STAM2: variants seen among roughly 807,000 people sequenced by gnomAD.
STAM2 encodes signal transducing adapter molecule 2.
A neutral mutation model predicts 65.6 loss-of-function variants in STAM2; 51 were observed. The ratio of observed to expected loss-of-function variants is 0.78; its 90% CI spans 0.62 to 0.98. STAM2 has a LOEUF of 0.98. Ranked by LOEUF, STAM2 falls within the 50% of genes least tolerant of loss-of-function variation. The probability of loss-of-function intolerance (pLI) is 0.00; values close to 1 mark genes in which losing one functional copy is unlikely to be tolerated. For missense variants in STAM2, 584 were observed against 617.8 expected (o/e 0.95, Z 0.58); for synonymous variants, 198 against 208.4 (o/e 0.95, Z 0.43).
chr2:152,163,604 T>C (rs2105564793), intron 1 of STAM2, among the ~76,000 whole-genome samples: 1 of 152,286 alleles, frequency 6.6e-6, no homozygotes, highest in African/African-American at 2.4e-5. Flanking sequence ...TCTGACTGCC[T>C]GCGGGGTAGG....
At chr2:152,131,800 C>T (rs1171132505) in intron 11 of STAM2, 1 of 286,846 alleles carries the variant, frequency 3.5e-6, no homozygotes, top group Non-Finnish European at 6.5e-6. Context: ...GCAGAAAATA[C>T]TAGAGAGTAG....
At chr2:152,165,463 A>G (rs1689759849) in intron 1 of STAM2, among the ~76,000 whole-genome samples, 1 of 152,096 alleles carries the variant, frequency 6.6e-6, no homozygotes, top group Non-Finnish European at 1.5e-5. Context: ...AGCCACTAAC[A>G]TGCCAAAAAG....
chr2:152,137,547 ACTT>A lies in STAM2; in HGVS notation c.705-1947_705-1945del, dbSNP rs889127181. ...GTTGTTTGTCTGAATTATGCAGAGA[ACTT>A]CTTCTAGGCTGTCGCTGTCTTTTCA... is the stretch of plus-strand genomic sequence containing the variant. On this transcript the variant is annotated intron_variant, in intron 7 of 13. Coordinates refer to ENST00000263904, the MANE Select transcript of STAM2 (RefSeq NM_005843.6). 3.9e-5 allele frequency among the ~76,000 whole-genome samples: 6 copies of A among 152,226 alleles called. No individual in the cohort carries two copies. The South Asian group carries it at 6.2e-4, about 16-fold the overall frequency.
intron 4 of STAM2, 42 bp downstream of exon 4, chr2:152,147,982 A>AT: frequency 6.9e-7 from 1 of 1,450,372 alleles, no homozygotes; most frequent in Non-Finnish European, 9.5e-7. Context: ...CACAATCTAC[A>AT]TTTTTTTAAT....
chr2:152,126,994 G>A (rs1688974121), intron 11 of STAM2, among the ~76,000 whole-genome samples: 1 of 152,138 alleles, frequency 6.6e-6, no homozygotes, highest in South Asian at 2.1e-4. Flanking sequence ...GCTGCTTTCT[G>A]CAACCAATCA....
intron 1 of STAM2, among the ~76,000 whole-genome samples, chr2:152,153,723 A>G (rs2105554326): frequency 6.6e-6 from 1 of 152,296 alleles, no homozygotes; most frequent in East Asian, 1.9e-4. Flanking sequence ...GTCAGAGCAG[A>G]CTATACTGTT....
rs1244742729 is a variant in STAM2 at position 152,117,907 on chromosome 2, TAACA to T, written c.*2663_*2666del. 12 of 152,146 alleles carry T rather than the reference TAACA, an allele frequency of 7.9e-5. No homozygotes were observed. The highest frequency in any genetic ancestry group is 1.9e-4 in the East Asian group (1 of 5,206). The allele number at this position is 152,146 out of a possible 1,614,324, so 9.4% of individuals were successfully genotyped here. A position where few individuals can be genotyped will look rare whatever the true frequency, so the allele number is the denominator to read the frequency against. On this transcript the variant is annotated 3_prime_UTR_variant, in exon 14 of 14. Coordinates refer to ENST00000263904, the MANE Select transcript of STAM2 (RefSeq NM_005843.6). ...TTTAACTACAAATAATTTCAAATCC[TAACA>T]AATATAATTACCTAATGTTTAAGTA...
Position 152,120,193 on chromosome 2 carries a change from C to T in STAM2, c.*381G>A, listed in dbSNP as rs946388135. ...GTTTATAAGTATGAGATACTTTTGA[C>T]AAACTCACTCTGTCGATCATGCTAC... On this transcript the variant is annotated 3_prime_UTR_variant, in exon 14 of 14. Transcript: ENST00000263904. The T allele has an allele frequency of 2.1e-5, 3 of 142,098 alleles. No individual in the cohort carries two copies. The highest frequency in any genetic ancestry group is 2.4e-4 in the East Asian group (1 of 4,206). The allele number at this position is 142,098 out of a possible 1,614,324, so 8.8% of individuals were successfully genotyped here.
intron 7 of STAM2, 34 bp downstream of exon 7, chr2:152,143,793 A>C: frequency 6.5e-7 from 1 of 1,541,992 alleles, no homozygotes; most frequent in Non-Finnish European, 8.9e-7. Flanking sequence ...AGGGCATTAC[A>C]CTTTAAACCT....
intron 7 of STAM2, among the ~76,000 whole-genome samples, chr2:152,138,994 T>C (rs1560214541): frequency 6.6e-6 from 1 of 152,314 alleles, no homozygotes; most frequent in South Asian, 2.1e-4. Context: ...AACTCTTTGA[T>C]GAAGCATAAA....
At chr2:152,154,410 G>C (rs1343994051) in intron 1 of STAM2, among the ~76,000 whole-genome samples, 1 of 152,208 alleles carries the variant, frequency 6.6e-6, no homozygotes, top group Non-Finnish European at 1.5e-5. Flanking sequence ...TGAGACAGGA[G>C]TTCAAGACCA....
At chr2:152,127,655 G>A (rs776445628) in intron 11 of STAM2, among the ~76,000 whole-genome samples, 2 of 151,100 alleles carry the variant, frequency 1.3e-5, no homozygotes, top group Admixed American at 6.6e-5. Context: ...AAAACAATGT[G>A]TAAGTAAGAC....
intron 1 of STAM2, among the ~76,000 whole-genome samples, chr2:152,160,546 C>A (rs564531272): frequency 6.6e-6 from 1 of 151,502 alleles, no homozygotes; most frequent in Non-Finnish European, 1.5e-5. Context: ...CCACCGCGTC[C>A]GGGAGGGAGG....
chr2:152,130,541 G>A (rs112533158), intron 11 of STAM2, among the ~76,000 whole-genome samples: 6,487 of 151,712 alleles, frequency 0.043, 187 homozygotes, highest in Non-Finnish European at 0.065. Context: ...TTGAGCCACT[G>A]CGCCTGGCCG....
At chr2:152,138,433 G>A (rs1261491695) in intron 7 of STAM2, among the ~76,000 whole-genome samples, 1 of 151,864 alleles carries the variant, frequency 6.6e-6, no homozygotes, top group Non-Finnish European at 1.5e-5. Context: ...TTTGTATGTT[G>A]AGCTTGTATC....
intron 1 of STAM2, among the ~76,000 whole-genome samples, chr2:152,154,339 T>C (rs1689502171): frequency 6.6e-6 from 1 of 152,124 alleles, no homozygotes; most frequent in South Asian, 2.1e-4. Context: ...AAGGGCAAAC[T>C]AGGTGAGGTG....
chr2:152,131,580 T>C (rs1560211849), intron 11 of STAM2: 1 of 154,882 alleles, frequency 6.5e-6, no homozygotes, highest in African/African-American at 2.4e-5. Flanking sequence ...AAAAAGTCAG[T>C]GGAGTTGATT....
intron 1 of STAM2, among the ~76,000 whole-genome samples, chr2:152,172,477 C>T (rs1432657795): frequency 6.6e-6 from 1 of 152,030 alleles, no homozygotes; most frequent in South Asian, 2.1e-4. Context: ...CTTCACCTAC[C>T]AAAAGAGATT....
chr2:152,158,871 G>A (rs1268487759), intron 1 of STAM2, among the ~76,000 whole-genome samples: 1 of 151,634 alleles, frequency 6.6e-6, no homozygotes, highest in Non-Finnish European at 1.5e-5. Flanking sequence ...TCACGAAGGA[G>A]GTACTCTCAT....
Sources: gnomAD v4.1 joint callset for allele counts (sites outside exome capture counted in the v4.1 genomes callset) on GRCh38, gnomAD v4.1.1 for gene constraint, MANE v1.5 for transcripts, NCBI Gene and HGNC (gene_info 2026-07-23, HGNC 2026-07-21) for gene names.